Variants in CTIF observed in about 807,000 individuals in gnomAD.
The protein encoded by CTIF is cap binding complex dependent translation initiation factor.
In CTIF, 21 loss-of-function variants were observed where a neutral mutation model predicts 66.0. That is an observed-to-expected ratio of 0.32 (90% CI 0.23 to 0.46). CTIF has a LOEUF of 0.46. Ranked by LOEUF, CTIF falls within the 20% of genes least tolerant of loss-of-function variation. CTIF has a pLI of 1.00. For missense variants in CTIF, 739 were observed against 812.7 expected, an observed-to-expected ratio of 0.91 and a Z score of 1.10; for synonymous variants, 345 against 326.4, an observed-to-expected ratio of 1.06 and a Z score of -0.62.
intron 7 of CTIF, among the ~76,000 whole-genome samples, chr18:48,718,948 G>T (rs2092307895): frequency 6.6e-6 from 1 of 152,172 alleles, no homozygotes; most frequent in Non-Finnish European, 1.5e-5. Context: ...GCGTCTGACA[G>T]ATGCGGCAAC....
chr18:48,839,226 CCT>C (rs1268633292), intron 10 of CTIF, among the ~76,000 whole-genome samples: 2 of 152,166 alleles, frequency 1.3e-5, no homozygotes, highest in African/African-American at 4.8e-5. Context: ...ACCCTGCCAC[CCT>C]CTCTCTGAGC....
In CTIF at chr18:48,592,489, C is replaced by A. The variant is rs560316167; in HGVS notation, c.-28-27049C>A. 1.5e-3 allele frequency among the ~76,000 whole-genome samples: 227 copies of A among 147,786 alleles called. 1 individual carries two copies. The highest frequency in any genetic ancestry group is 6.6e-4 in the Non-Finnish European group (44 of 67,000). On this transcript the variant is annotated intron_variant, in intron 1 of 11. Transcript: ENST00000256413. ...TCCAGCTTGGGGAACAAGAGTGAAA[C>A]CCTGTCTCAAAAAAAAAAAAAAAAG...
intron 10 of CTIF, among the ~76,000 whole-genome samples, chr18:48,822,091 C>T (rs1405809120): frequency 6.6e-6 from 1 of 152,226 alleles, no homozygotes; most frequent in Admixed American, 6.5e-5. Context: ...TCTTCTGTGA[C>T]TGGCTTATTT....
At chr18:48,607,250 CT>C (rs1363566026) in intron 1 of CTIF, among the ~76,000 whole-genome samples, 1 of 152,188 alleles carries the variant, frequency 6.6e-6, no homozygotes, top group Non-Finnish European at 1.5e-5. Context: ...CTTTGCCTCC[CT>C]GTGGTTCGTA....
At chr18:48,592,534 C>T (rs992747215) in intron 1 of CTIF, among the ~76,000 whole-genome samples, 8 of 151,720 alleles carry the variant, frequency 5.3e-5, no homozygotes, top group Non-Finnish European at 1.0e-4. Context: ...AAGAAAACAG[C>T]TCTCCCTGGC....
chr18:48,557,958 A>G (rs2089061979), intron 1 of CTIF, among the ~76,000 whole-genome samples: 2 of 152,204 alleles, frequency 1.3e-5, no homozygotes, highest in South Asian at 4.1e-4. Context: ...TTCCAAACAT[A>G]TTTATGCTGG....
intron 10 of CTIF, among the ~76,000 whole-genome samples, chr18:48,853,040 GTC>G (rs993220695): frequency 2.6e-5 from 4 of 152,172 alleles, no homozygotes; most frequent in African/African-American, 9.7e-5. Flanking sequence ...CTTGCAAGCA[GTC>G]TCTCTGGGTG....
At chr18:48,820,956 G>A (rs962096021) in intron 10 of CTIF, among the ~76,000 whole-genome samples, 1 of 152,198 alleles carries the variant, frequency 6.6e-6, no homozygotes, top group Non-Finnish European at 1.5e-5. Flanking sequence ...TCAAGCATGT[G>A]CTTAGTCCCC....
chr18:48,653,340 CAGAG>C (rs764318400), intron 3 of CTIF, among the ~76,000 whole-genome samples: 17 of 152,270 alleles, frequency 1.1e-4, no homozygotes, highest in Non-Finnish European at 1.9e-4. Context: ...CAATAACAAA[CAGAG>C]AGCCAAATCG....
intron 7 of CTIF, among the ~76,000 whole-genome samples, chr18:48,730,464 G>A (rs28736780): frequency 6.9e-6 from 1 of 144,618 alleles, no homozygotes; most frequent in Non-Finnish European, 1.5e-5. Context: ...GGCTTCCGCG[G>A]TGTGAGGGGC....
rs560656952 is a variant in CTIF at position 48,755,149 on chromosome 18, C to T, written c.585-2770C>T. On this transcript the variant is annotated intron_variant, in intron 7 of 11. Coordinates refer to ENST00000256413, the MANE Select transcript of CTIF (RefSeq NM_014772.3). ...CCACAAAAATTCTAAATAAGGATGA[C>T]GAAAGTTGTGAGAATCAATTATTAT... is the stretch of plus-strand genomic sequence containing the variant. Among the ~76,000 whole-genome samples the T allele has an allele frequency of 1.2e-4, 19 of 152,252 alleles. 1 individual carries two copies. Among genetic ancestry groups the T allele is most frequent in the African/African-American group, 4.3e-4 (18 of 41,538 alleles).
chr18:48,818,519 G>A (rs952091234), intron 10 of CTIF, among the ~76,000 whole-genome samples: 3 of 152,174 alleles, frequency 2.0e-5, no homozygotes, highest in Non-Finnish European at 4.4e-5. Flanking sequence ...GAGGTTGGCC[G>A]GGTGGAAGGG....
chr18:48,715,854 G>C (rs561920027), intron 7 of CTIF, among the ~76,000 whole-genome samples: 156 of 152,352 alleles, frequency 1.0e-3, no homozygotes, highest in African/African-American at 3.1e-3. Flanking sequence ...TGCAGTCTTA[G>C]AGAGTTCTGA....
chr18:48,620,272 C>T (rs1258881035), intron 2 of CTIF, among the ~76,000 whole-genome samples: 1 of 152,178 alleles, frequency 6.6e-6, no homozygotes, highest in African/African-American at 2.4e-5. Context: ...GCAATCCAAC[C>T]AGCGTCATGT....
chr18:48,775,776 C>T (rs1371976283), intron 9 of CTIF, among the ~76,000 whole-genome samples: 4 of 152,192 alleles, frequency 2.6e-5, no homozygotes, highest in Admixed American at 2.6e-4. Context: ...GGAAGGAAGA[C>T]AACAAGAGGA....
In CTIF at chr18:48,801,416, G is replaced by A. The variant is rs1278875611; in HGVS notation, c.1372-15805G>A. On this transcript the variant is annotated intron_variant, in intron 9 of 11. Coordinates refer to ENST00000256413, the MANE Select transcript of CTIF (RefSeq NM_014772.3). ...CCGGCTGTTCCTCAACTGTTGTCCAGTAGACATTTTGGGATACGGCTTAGA... is the reference window on the plus strand; with the variant it reads ...CCGGCTGTTCCTCAACTGTTGTCCAATAGACATTTTGGGATACGGCTTAGA... 3.3e-5 allele frequency among the ~76,000 whole-genome samples: 5 copies of A among 152,220 alleles called. No individual in the cohort carries two copies. The East Asian group carries it at 7.7e-4, about 23-fold the overall frequency.
intron 9 of CTIF, among the ~76,000 whole-genome samples, chr18:48,806,125 A>G (rs1008799084): frequency 1.3e-5 from 2 of 152,224 alleles, no homozygotes; most frequent in African/African-American, 4.8e-5. Flanking sequence ...AAGCCTCCCT[A>G]AAGAGGGAAT....
chr18:48,665,899 A>G (rs557767176), intron 5 of CTIF, among the ~76,000 whole-genome samples: 2 of 152,162 alleles, frequency 1.3e-5, no homozygotes, highest in East Asian at 3.9e-4. Flanking sequence ...AGTCATCTCC[A>G]CCTTTTGGCT....
intron 7 of CTIF, among the ~76,000 whole-genome samples, chr18:48,722,006 A>T (rs2092342275): frequency 6.6e-6 from 1 of 152,204 alleles, no homozygotes; most frequent in South Asian, 2.1e-4. Flanking sequence ...TGGGAAAGAC[A>T]GTTCTGAAAG....
Sources: gnomAD v4.1 joint callset for allele counts (sites outside exome capture counted in the v4.1 genomes callset) on GRCh38, gnomAD v4.1.1 for gene constraint, MANE v1.5 for transcripts, NCBI Gene and HGNC (gene_info 2026-07-23, HGNC 2026-07-21) for gene names.